ROBO2: variants seen among roughly 807,000 people sequenced by gnomAD.
The protein encoded by ROBO2 is roundabout homolog 2.
A neutral mutation model predicts 160.8 loss-of-function variants in ROBO2; 53 were observed. The ratio of observed to expected loss-of-function variants is 0.33; its 90% CI spans 0.26 to 0.41. The LOEUF is 0.41. Ranked by LOEUF, ROBO2 falls within the 10% of genes least tolerant of loss-of-function variation. The pLI is 1.00. For missense variants in ROBO2, 1,577 were observed against 1,722.4 expected (o/e 0.92, Z 1.49); for synonymous variants, 664 against 611.7 (o/e 1.09, Z -1.26).
chr3:77,215,476 T>C (rs999903581), intron 2 of ROBO2, among the ~76,000 whole-genome samples: 2 of 152,166 alleles, frequency 1.3e-5, no homozygotes, highest in African/African-American at 4.8e-5. Flanking sequence ...TAGTTAGCCA[T>C]TTGTCTAATT....
At chr3:77,359,389 GC>G (rs760785032) in intron 2 of ROBO2, among the ~76,000 whole-genome samples, 221 of 152,216 alleles carry the variant, frequency 1.5e-3, no homozygotes, top group Non-Finnish European at 2.4e-3. Context: ...AAACTGAAAC[GC>G]AGAGAACAGA....
At chr3:76,297,155 G>A (rs569295854) in intron 2 of ROBO2, among the ~76,000 whole-genome samples, 1 of 152,106 alleles carries the variant, frequency 6.6e-6, no homozygotes, top group Non-Finnish European at 1.5e-5. Context: ...TCAACTACAA[G>A]AATCCATGTT....
At chr3:76,504,347 GA>G (rs1394849484) in intron 2 of ROBO2, among the ~76,000 whole-genome samples, 12 of 152,254 alleles carry the variant, frequency 7.9e-5, no homozygotes, top group African/African-American at 2.9e-4. Flanking sequence ...GACAGAAAAT[GA>G]TGCAGAAAGC....
intron 2 of ROBO2, among the ~76,000 whole-genome samples, chr3:77,192,561 T>C (rs1297238323): frequency 6.6e-6 from 1 of 152,078 alleles, no homozygotes; most frequent in Non-Finnish European, 1.5e-5. Flanking sequence ...TTTCTACTGG[T>C]CATGCAGATA....
rs1364574157 is a variant in ROBO2 at position 77,607,788 on chromosome 3, T to C, written c.3137-10T>C. On this transcript the variant is annotated splice_polypyrimidine_tract_variant and intron_variant, in intron 20 of 25. Transcript: ENST00000461745. ...TTGGCATCTCTGAATAAATACGTTA[T>C]TACTTTCAGGTGGGAAAGGTGGAAA... 4 of 1,612,474 alleles carry C rather than the reference T, an allele frequency of 2.5e-6. No homozygotes were observed. The highest frequency in any genetic ancestry group is 1.3e-5 in the African/African-American group (1 of 74,862).
Position 76,394,698 on chromosome 3 carries a change from A to AC in ROBO2, c.109+457097dup, listed in dbSNP as rs1341027316. Among the ~76,000 whole-genome samples, 4 of 152,096 alleles carry AC rather than the reference A, an allele frequency of 2.6e-5. No homozygotes were observed. In the East Asian group the frequency reaches 7.7e-4, roughly 29 times the overall value. ...GCAATCCTAGTCTCTGATAAAACAG[A>AC]CTTGAAACCACCAACGATCAAAAGA... On this transcript the variant is annotated intron_variant, in intron 2 of 26. Transcript: ENST00000487694.
chr3:76,101,904 A>C (rs1176814635), intron 2 of ROBO2, among the ~76,000 whole-genome samples: 2 of 82,220 alleles, frequency 2.4e-5, no homozygotes, highest in African/African-American at 9.8e-5. Context: ...CCTGTGTCCA[A>C]GTGTTCCCAT....
intron 2 of ROBO2, among the ~76,000 whole-genome samples, chr3:75,984,357 T>TA (rs958701533): frequency 6.6e-6 from 1 of 151,486 alleles, no homozygotes; most frequent in Non-Finnish European, 1.5e-5. Flanking sequence ...TTTTTAACTG[T>TA]AAAAAACACA....
intron 2 of ROBO2, among the ~76,000 whole-genome samples, chr3:76,239,816 C>A (rs1465024188): frequency 6.6e-6 from 1 of 152,148 alleles, no homozygotes; most frequent in African/African-American, 2.4e-5. Context: ...GCCTAACTGG[C>A]TCCTGTGCAA....
intron 2 of ROBO2, among the ~76,000 whole-genome samples, chr3:76,716,583 G>C (rs948856298): frequency 1.3e-5 from 2 of 152,178 alleles, no homozygotes; most frequent in Non-Finnish European, 2.9e-5. Context: ...TAATGTGCTA[G>C]AGCAAGAAAG....
At position 76,134,268 on chromosome 3, in the gene ROBO2, CT is replaced by C. The variant is rs148899699; in HGVS notation, c.109+196675del. 2.4e-3 allele frequency among the ~76,000 whole-genome samples: 364 copies of C among 151,280 alleles called. 3 individuals are homozygous for C. The highest frequency in any genetic ancestry group is 3.8e-3 in the Non-Finnish European group (261 of 67,810). ...TATTTCAAATTCCCAAGTGAAGATA[CT>C]TTTTTTTTCTCTCTCTCTCTCTGAT... On this transcript the variant is annotated intron_variant, in intron 2 of 26. Coordinates refer to the ROBO2 transcript ENST00000487694.
intron 2 of ROBO2, among the ~76,000 whole-genome samples, chr3:76,795,444 T>C (rs2063626364): frequency 1.3e-5 from 2 of 152,158 alleles, no homozygotes; most frequent in Non-Finnish European, 2.9e-5. Flanking sequence ...TTCTAAATGC[T>C]TTGTTATCAT....
chr3:77,388,795 C>T (rs921079925), intron 2 of ROBO2, among the ~76,000 whole-genome samples: 1 of 152,050 alleles, frequency 6.6e-6, no homozygotes, highest in Non-Finnish European at 1.5e-5. Context: ...CCTTAATACA[C>T]CAATAAAATC....
chr3:76,537,866 GC>G (rs777413161), intron 2 of ROBO2, among the ~76,000 whole-genome samples: 2 of 152,092 alleles, frequency 1.3e-5, no homozygotes, highest in Non-Finnish European at 2.9e-5. Context: ...TCTGTTGTCA[GC>G]AGGGGAGGGG....
At chr3:76,692,893 C>CTA (rs1267140496) in intron 2 of ROBO2, among the ~76,000 whole-genome samples, 4 of 151,624 alleles carry the variant, frequency 2.6e-5, no homozygotes, top group East Asian at 3.9e-4. Context: ...CTCTCTCTCT[C>CTA]TCTCTCTATA....
intron 2 of ROBO2, among the ~76,000 whole-genome samples, chr3:76,805,522 T>C (rs2108909200): frequency 6.6e-6 from 1 of 152,076 alleles, no homozygotes; most frequent in Admixed American, 6.6e-5. Flanking sequence ...CATATGTATA[T>C]ATGTAGAAAT....
intron 1 of ROBO2, among the ~76,000 whole-genome samples, chr3:77,046,880 T>A (rs1424555394): frequency 6.6e-6 from 1 of 152,170 alleles, no homozygotes; most frequent in Non-Finnish European, 1.5e-5. Context: ...TATTCCCACA[T>A]TCAAGGAAGT....
At chr3:76,209,949 T>C (rs1234024455) in intron 2 of ROBO2, among the ~76,000 whole-genome samples, 1 of 152,086 alleles carries the variant, frequency 6.6e-6, no homozygotes, top group Non-Finnish European at 1.5e-5. Context: ...ATGGATTAAA[T>C]GATGGAATAT....
At chr3:77,325,027 A>G (rs1034947554) in intron 2 of ROBO2, among the ~76,000 whole-genome samples, 1 of 152,168 alleles carries the variant, frequency 6.6e-6, no homozygotes, top group Non-Finnish European at 1.5e-5. Context: ...AAATTAAAGT[A>G]TAGTTATGAT....
Sources: gnomAD v4.1 joint callset for allele counts (sites outside exome capture counted in the v4.1 genomes callset) on GRCh38, gnomAD v4.1.1 for gene constraint, MANE v1.5 for transcripts, NCBI Gene and HGNC (gene_info 2026-07-23, HGNC 2026-07-21) for gene names.